STK32B: variants seen among roughly 807,000 people sequenced by gnomAD.
STK32B encodes serine/threonine-protein kinase 32B.
Under a neutral mutation model 52.6 loss-of-function variants are expected in STK32B, and 43 were observed. The ratio of observed to expected loss-of-function variants is 0.82; its 90% confidence interval spans 0.64 to 1.05. STK32B has a LOEUF of 1.05. STK32B is among the 50% of genes least tolerant of loss of function. The pLI is 0.00. For missense variants in STK32B, 621 were observed against 534.6 expected (o/e 1.16, Z -1.59); for synonymous variants, 238 against 204.3 (o/e 1.17, Z -1.41).
rs1317534553 is a variant in STK32B, at chr4:5,056,601, T to A, written c.52+4686T>A. On this transcript the variant is annotated intron_variant, in intron 1 of 11. Transcript: ENST00000282908. ...CTTCATGGGGCTCCCGCCCCCTCCA[T>A]GTTGATAGCTCCAGAACTCTGAGTA... Among the ~76,000 whole-genome samples, 6 of 152,232 alleles carry A rather than the reference T, an allele frequency of 3.9e-5. No individual in the cohort carries two copies. The East Asian group carries it at 7.7e-4, about 20-fold the overall frequency.
chr4:5,097,502 A>AT (rs1474267659), intron 1 of STK32B, among the ~76,000 whole-genome samples: 1 of 125,742 alleles, frequency 8.0e-6, no homozygotes, highest in Non-Finnish European at 1.7e-5. Flanking sequence ...TCCTTGGCAG[A>AT]TTTTAGTGTC....
At chr4:5,189,628 G>A (rs1323104555) in intron 3 of STK32B, among the ~76,000 whole-genome samples, 1 of 152,154 alleles carries the variant, frequency 6.6e-6, no homozygotes, top group Non-Finnish European at 1.5e-5. Flanking sequence ...CTGTGTGCAA[G>A]TTTTTCTGCA....
At chr4:5,436,579 G>A (rs762392935) in intron 6 of STK32B, 1 of 985,310 alleles carries the variant, frequency 1.0e-6, no homozygotes, top group African/African-American at 1.7e-5. Flanking sequence ...CAGCTGGGAA[G>A]CTATGCTGCT....
At chr4:5,050,173 A>G (rs1741708292), upstream of STK32B, among the ~76,000 whole-genome samples, 1 of 152,210 alleles carries the variant, frequency 6.6e-6, no homozygotes, top group Admixed American at 6.5e-5. Context: ...GGTGGAATGA[A>G]AGGCAAGAAA....
intron 1 of STK32B, among the ~76,000 whole-genome samples, chr4:5,105,390 T>C (rs1377072068): frequency 6.6e-6 from 1 of 152,212 alleles, no homozygotes; most frequent in African/African-American, 2.4e-5. Context: ...TTAGATATCC[T>C]CTTTAGCGAA....
Position 5,206,841 on chromosome 4 carries a change from G to A in STK32B, c.260+38391G>A, listed in dbSNP as rs1722605750. On this transcript the variant is annotated intron_variant, in intron 3 of 11. Transcript: ENST00000282908. ...TTCAGGGCTGGGGTTTGGGCCTGGA[G>A]CACCTCCATCTTCTCTCCTACTTAT... 2.6e-5 allele frequency among the ~76,000 whole-genome samples: 4 copies of A among 152,178 alleles called. No homozygotes were observed. The South Asian group carries it at 8.3e-4, about 32-fold the overall frequency.
chr4:5,276,439 C>T (rs1560280064), intron 3 of STK32B, among the ~76,000 whole-genome samples: 1 of 152,108 alleles, frequency 6.6e-6, no homozygotes. Context: ...GGAAGGGTTT[C>T]ATTCTAGACA....
chr4:5,179,594 GATAA>G (rs1056311554), intron 3 of STK32B, among the ~76,000 whole-genome samples: 3 of 152,144 alleles, frequency 2.0e-5, no homozygotes, highest in Non-Finnish European at 4.4e-5. Flanking sequence ...ATAGATGATA[GATAA>G]ATAGATGATT....
At chr4:5,313,526 AAAAT>A (rs1337395479) in intron 3 of STK32B, among the ~76,000 whole-genome samples, 1 of 152,216 alleles carries the variant, frequency 6.6e-6, no homozygotes, top group African/African-American at 2.4e-5. Context: ...AGTCAAGAGA[AAAAT>A]AAGGCATATA....
chr4:5,075,690 A>G (rs1292371198), intron 1 of STK32B, among the ~76,000 whole-genome samples: 1 of 152,124 alleles, frequency 6.6e-6, no homozygotes, highest in East Asian at 1.9e-4. Flanking sequence ...GAAACCTGAA[A>G]ATATTGTCAA....
chr4:5,178,372 G>A (rs1720089749), intron 3 of STK32B, among the ~76,000 whole-genome samples: 1 of 152,186 alleles, frequency 6.6e-6, no homozygotes, highest in African/African-American at 2.4e-5. Flanking sequence ...AAGGCCCTGG[G>A]CCTGGCCCAT....
chr4:5,138,138 G>A (rs1418219099), intron 1 of STK32B, among the ~76,000 whole-genome samples: 1 of 152,174 alleles, frequency 6.6e-6, no homozygotes, highest in Non-Finnish European at 1.5e-5. Context: ...TTCTTGGCAA[G>A]TTATCCTGAA....
intron 11 of STK32B, among the ~76,000 whole-genome samples, chr4:5,472,249 AT>A (rs1717901866): frequency 6.6e-6 from 1 of 152,190 alleles, no homozygotes; most frequent in Non-Finnish European, 1.5e-5. Context: ...AGCGGGGAGG[AT>A]TACCAAACAG....
chr4:5,238,557 G>A (rs575590856), intron 3 of STK32B, among the ~76,000 whole-genome samples: 17 of 152,242 alleles, frequency 1.1e-4, no homozygotes, highest in African/African-American at 4.1e-4. Context: ...CATTCAACCC[G>A]CTACAGAAGT....
chr4:5,388,531 T>C (rs1169365352), intron 4 of STK32B, among the ~76,000 whole-genome samples: 2 of 152,160 alleles, frequency 1.3e-5, no homozygotes, highest in Admixed American at 6.5e-5. Flanking sequence ...TGCAGGACCG[T>C]AGGACCCCAG....
chr4:5,339,506 G>C (rs1395215732), intron 4 of STK32B, among the ~76,000 whole-genome samples: 1 of 152,098 alleles, frequency 6.6e-6, no homozygotes, highest in Non-Finnish European at 1.5e-5. Context: ...AGGATGTATG[G>C]AAATGCTGTG....
intron 2 of STK32B, among the ~76,000 whole-genome samples, chr4:5,140,617 G>T (rs1358816565): frequency 1.3e-5 from 2 of 152,186 alleles, no homozygotes; most frequent in Non-Finnish European, 2.9e-5. Flanking sequence ...TAGGCGGGAA[G>T]TGTCAAAACT....
At position 5,141,170 on chromosome 4, in the gene STK32B, C is replaced by T. The variant is rs141864942; in HGVS notation, c.108+1210C>T. Among the ~76,000 whole-genome samples the T allele has an allele frequency of 3.9e-3, 600 of 152,330 alleles. 3 individuals carry two copies. The highest frequency in any genetic ancestry group is 0.01 in the Middle Eastern group (3 of 294). On this transcript the variant is annotated intron_variant, in intron 2 of 11. Coordinates refer to ENST00000282908, the MANE Select transcript of STK32B (RefSeq NM_018401.3). ...CTGCATTTTAAGTGCTCAGTAGCCACGTGTAGCCAGTGGCTACTGTATTGG... is the reference window on the plus strand; with the variant it reads ...CTGCATTTTAAGTGCTCAGTAGCCATGTGTAGCCAGTGGCTACTGTATTGG...
intron 6 of STK32B, among the ~76,000 whole-genome samples, chr4:5,431,898 G>A (rs1281222913): frequency 2.0e-5 from 3 of 152,084 alleles, no homozygotes; most frequent in Admixed American, 2.0e-4. Flanking sequence ...GAGAGGCCAG[G>A]CATGCTACTT....
Sources: gnomAD v4.1 joint callset for allele counts (sites outside exome capture counted in the v4.1 genomes callset) on GRCh38, gnomAD v4.1.1 for gene constraint, MANE v1.5 for transcripts, NCBI Gene and HGNC (gene_info 2026-07-23, HGNC 2026-07-21) for gene names.